ZCCHC7: variants seen among roughly 807,000 people sequenced by gnomAD.
The protein encoded by ZCCHC7 is zinc finger CCHC-type containing 7.
ZCCHC7 carries 35 observed loss-of-function variants against 52.0 expected under a neutral mutation model. The ratio of observed to expected loss-of-function variants is 0.67; its 90% CI spans 0.51 to 0.89. The LOEUF is 0.89. Among genes scored for constraint, ZCCHC7 ranks in the 40% least tolerant of loss-of-function variants. The probability of loss-of-function intolerance (pLI) is 0.00; values close to 1 mark genes in which losing one functional copy is unlikely to be tolerated. For missense variants in ZCCHC7, 574 were observed against 649.1 expected, an observed-to-expected ratio of 0.88 and a Z score of 1.26; for synonymous variants, 217 against 221.5, an observed-to-expected ratio of 0.98 and a Z score of 0.18.
chr9:37,295,565 AT>A (rs1828748669), intron 2 of ZCCHC7, among the ~76,000 whole-genome samples: 1 of 152,152 alleles, frequency 6.6e-6, no homozygotes, highest in East Asian at 1.9e-4. Context: ...AAATCGTGGC[AT>A]TGAGGCTATT....
At chr9:37,310,262 T>C (rs1008035047) in intron 5 of ZCCHC7, among the ~76,000 whole-genome samples, 1 of 152,230 alleles carries the variant, frequency 6.6e-6, no homozygotes, top group Non-Finnish European at 1.5e-5. Context: ...GAAAGAATCC[T>C]GTTTCTGAAT....
intron 2 of ZCCHC7, among the ~76,000 whole-genome samples, chr9:37,258,618 C>T (rs1324364586): frequency 2.0e-5 from 3 of 151,668 alleles, no homozygotes; most frequent in Non-Finnish European, 4.4e-5. Flanking sequence ...TGGCGTGGCA[C>T]ATGCCGGTAG....
intron 2 of ZCCHC7, among the ~76,000 whole-genome samples, chr9:37,204,241 T>G (rs1179221202): frequency 2.0e-5 from 3 of 152,222 alleles, no homozygotes; most frequent in Admixed American, 6.5e-5. Flanking sequence ...AAAAATTTTC[T>G]CCCATTCTGT....
intron 1 of ZCCHC7, among the ~76,000 whole-genome samples, chr9:37,124,381 A>G (rs1342336026): frequency 2.0e-5 from 3 of 151,636 alleles, no homozygotes; most frequent in Non-Finnish European, 4.4e-5. Context: ...TATTTTAAGC[A>G]CATACTAGAT....
intron 6 of ZCCHC7, among the ~76,000 whole-genome samples, chr9:37,333,326 T>A (rs2118301450): frequency 6.6e-6 from 1 of 151,870 alleles, no homozygotes; most frequent in African/African-American, 2.4e-5. Context: ...ATCATGAATT[T>A]GGCTCATATT....
intron 2 of ZCCHC7, among the ~76,000 whole-genome samples, chr9:37,257,995 G>A (rs1826671003): frequency 6.6e-6 from 1 of 152,152 alleles, no homozygotes; most frequent in Non-Finnish European, 1.5e-5. Context: ...TCCTAAAATT[G>A]TAAGATTAGG....
At chr9:37,248,169 C>T (rs896341029) in intron 2 of ZCCHC7, among the ~76,000 whole-genome samples, 9 of 152,118 alleles carry the variant, frequency 5.9e-5, no homozygotes, top group African/African-American at 2.2e-4. Flanking sequence ...TTAATATTTA[C>T]ATACTTTGAC....
intron 2 of ZCCHC7, among the ~76,000 whole-genome samples, chr9:37,271,221 C>T (rs890024331): frequency 2.9e-4 from 44 of 152,306 alleles, no homozygotes; most frequent in Admixed American, 2.7e-3. Context: ...TATAATCAGG[C>T]TTCTAGATCC....
At chr9:37,199,494 G>A (rs1823483159) in intron 2 of ZCCHC7, among the ~76,000 whole-genome samples, 3 of 151,472 alleles carry the variant, frequency 2.0e-5, no homozygotes, top group South Asian at 2.1e-4. Context: ...ACCACGCCCA[G>A]TTAATTTTTT....
intron 2 of ZCCHC7, among the ~76,000 whole-genome samples, chr9:37,250,014 CTGA>C (rs201890907): frequency 0.051 from 7,726 of 152,218 alleles, 640 homozygotes; most frequent in African/African-American, 0.17. Context: ...CAGTCAGATT[CTGA>C]TTCCTGTTCT....
At chr9:37,315,351 A>T (rs1564248866) in intron 5 of ZCCHC7, among the ~76,000 whole-genome samples, 1 of 152,076 alleles carries the variant, frequency 6.6e-6, no homozygotes. Context: ...AAAGAGAGTA[A>T]GATAATTATG....
At chr9:37,245,479 A>T (rs563132) in intron 2 of ZCCHC7, among the ~76,000 whole-genome samples, 57,436 of 151,834 alleles carry the variant, frequency 0.38, 11,272 homozygotes, top group Middle Eastern at 0.45. Flanking sequence ...CAATCCAACA[A>T]ACTATTGTTG....
At chr9:37,186,616 G>A in intron 2 of ZCCHC7, 1 of 420,248 alleles carries the variant, frequency 2.4e-6, no homozygotes, top group African/African-American at 2.0e-5. Context: ...TTTTAAGAAT[G>A]CATTAGTATT....
At chr9:37,246,649 A>G (rs1564200620) in intron 2 of ZCCHC7, among the ~76,000 whole-genome samples, 2 of 152,182 alleles carry the variant, frequency 1.3e-5, no homozygotes, top group African/African-American at 2.4e-5. Context: ...TGACATATTA[A>G]AAGTTGTACG....
At chr9:37,165,412 T>G (rs1018866577) in intron 2 of ZCCHC7, among the ~76,000 whole-genome samples, 2 of 152,202 alleles carry the variant, frequency 1.3e-5, no homozygotes, top group African/African-American at 4.8e-5. Flanking sequence ...AGGGAAAGTA[T>G]ACAGTCTTTC....
intron 2 of ZCCHC7, among the ~76,000 whole-genome samples, chr9:37,230,984 G>A (rs1471675917): frequency 6.6e-6 from 1 of 152,114 alleles, no homozygotes; most frequent in Non-Finnish European, 1.5e-5. Flanking sequence ...ACCCGGGCTG[G>A]ATTGCAGTGG....
chr9:37,217,359 T>C (rs1209102703), intron 2 of ZCCHC7, among the ~76,000 whole-genome samples: 1 of 152,182 alleles, frequency 6.6e-6, no homozygotes, highest in African/African-American at 2.4e-5. Context: ...TCACAATAAT[T>C]TTTGGAAATT....
intron 2 of ZCCHC7, among the ~76,000 whole-genome samples, chr9:37,260,050 G>C (rs964146864): frequency 6.6e-6 from 1 of 152,200 alleles, no homozygotes; most frequent in African/African-American, 2.4e-5. Flanking sequence ...ATGCCTTGAT[G>C]AATTCTGATA....
At chr9:37,183,213 C>G (rs1822462679) in intron 2 of ZCCHC7, among the ~76,000 whole-genome samples, 1 of 152,166 alleles carries the variant, frequency 6.6e-6, no homozygotes, top group Non-Finnish European at 1.5e-5. Context: ...AATTAGACAT[C>G]TCTTTATTTA....
Sources: allele counts gnomAD v4.1 joint callset (sites outside exome capture counted in the v4.1 genomes callset), GRCh38; gene constraint gnomAD v4.1.1; transcripts MANE v1.5; gene names NCBI Gene and HGNC (gene_info 2026-07-23, HGNC 2026-07-21).